The following TIMM9 variants were observed in gnomAD, a reference collection of about 807,000 sequenced individuals.
TIMM9 encodes the protein mitochondrial import inner membrane translocase subunit Tim9.
In TIMM9, 10 loss-of-function variants were observed where a neutral mutation model predicts 13.4. The ratio of observed to expected loss-of-function variants is 0.75; its 90% confidence interval spans 0.46 to 1.26. TIMM9 has a LOEUF of 1.26. Among genes scored for constraint, TIMM9 ranks in the 50% most tolerant of loss-of-function variants. The pLI is 0.00. For missense variants in TIMM9, 87 were observed against 100.8 expected, an observed-to-expected ratio of 0.86 and a Z score of 0.58; for synonymous variants, 32 against 32.1, an observed-to-expected ratio of 1.00 and a Z score of 0.01.
intron 3 of TIMM9, among the ~76,000 whole-genome samples, chr14:58,412,295 C>T (rs975010360): frequency 1.3e-5 from 2 of 152,296 alleles, no homozygotes; most frequent in East Asian, 1.9e-4. Flanking sequence ...GCACACACCA[C>T]CATGCCCAGC....
chr14:58,411,994 G>A, intron 3 of TIMM9, 23 bp from the exon 4 acceptor site: 1 of 1,565,126 alleles, frequency 6.4e-7, no homozygotes, highest in East Asian at 2.2e-5. Context: ...TTCAAAACAA[G>A]TTTGTCAATC....
chr14:58,425,100 G>A (rs1196757834), intron 2 of TIMM9, among the ~76,000 whole-genome samples: 1 of 152,032 alleles, frequency 6.6e-6, no homozygotes, highest in African/African-American at 2.4e-5. Context: ...AAAAGGGGTT[G>A]AGAGGGCTGA....
In TIMM9 at chr14:58,408,556, G is replaced by T. The variant is rs1348505796; in HGVS notation, c.*478C>A. On this transcript the variant is annotated 3_prime_UTR_variant, in exon 6 of 6. Coordinates refer to ENST00000395159, the MANE Select transcript of TIMM9 (RefSeq NM_012460.4). The stretch of plus-strand genomic sequence containing the variant: ...ATTTGAGGCAGACATGAATGAACAG[G>T]ACTGCTTGGAGGATGATCCTGATTG... 6.2e-7 allele frequency: 1 copy of T among 1,613,974 alleles called. No individual in the cohort carries two copies. Among genetic ancestry groups the T allele is most frequent in the Admixed American group, 1.7e-5 (1 of 59,972 alleles).
At chr14:58,414,583 CA>C (rs1595015283) in intron 3 of TIMM9, among the ~76,000 whole-genome samples, 1 of 151,462 alleles carries the variant, frequency 6.6e-6, no homozygotes, top group East Asian at 1.9e-4. Context: ...ACTGAAAATA[CA>C]AAAATTAGCC....
Position 58,408,560 on chromosome 14 carries a change from G to T in TIMM9, c.*474C>A. 6.2e-7 allele frequency: 1 copy of T among 1,614,054 alleles called. No individual in the cohort carries two copies. The highest frequency in any genetic ancestry group is 8.5e-7 in the Non-Finnish European group (1 of 1,179,990). ...GAGGCAGACATGAATGAACAGGACT[G>T]CTTGGAGGATGATCCTGATTGAAAA... On this transcript the variant is annotated 3_prime_UTR_variant, in exon 6 of 6. Coordinates refer to ENST00000395159, the MANE Select transcript of TIMM9 (RefSeq NM_012460.4).
chr14:58,419,105 G>A (rs977298762), intron 3 of TIMM9, among the ~76,000 whole-genome samples: 8 of 152,128 alleles, frequency 5.3e-5, no homozygotes, highest in Non-Finnish European at 7.3e-5. Context: ...CTGGTGGAGG[G>A]ACAGACAAAT....
intron 5 of TIMM9, among the ~76,000 whole-genome samples, chr14:58,409,871 C>T (rs531594693): frequency 6.6e-6 from 1 of 152,130 alleles, no homozygotes; most frequent in Admixed American, 6.6e-5. Context: ...AGCCACCGCG[C>T]CCAGCCTATT....
At chr14:58,420,961 C>G (rs2036574182) in intron 3 of TIMM9, among the ~76,000 whole-genome samples, 1 of 152,128 alleles carries the variant, frequency 6.6e-6, no homozygotes. Flanking sequence ...TTGGCAGTTT[C>G]TAAAGAAGTT....
chr14:58,420,411 G>GT (rs778358381), intron 3 of TIMM9, among the ~76,000 whole-genome samples: 6 of 152,088 alleles, frequency 3.9e-5, no homozygotes, highest in Non-Finnish European at 7.4e-5. Flanking sequence ...CCGTAAAAAG[G>GT]TATTTCAGCA....
intron 5 of TIMM9, among the ~76,000 whole-genome samples, chr14:58,409,741 G>A (rs897045028): frequency 6.6e-6 from 1 of 151,992 alleles, no homozygotes; most frequent in Non-Finnish European, 1.5e-5. Context: ...ACCATGCCTG[G>A]CTAATTTTTT....
Position 58,415,261 on chromosome 14 carries a change from A to C in TIMM9, c.-26-3290T>G, listed in dbSNP as rs554608305. On this transcript the variant is annotated intron_variant, in intron 3 of 5. Transcript: ENST00000395159. The stretch of plus-strand genomic sequence containing the variant: ...CAAAAGGAGCCAGATAAAATGATTA[A>C]ATAACATCTAGAGCCTCATAACATG... Among the ~76,000 whole-genome samples the C allele has an allele frequency of 3.2e-4, 48 of 152,326 alleles. 1 individual carries two copies. Among genetic ancestry groups the C allele is most frequent in the Middle Eastern group, 3.4e-3 (1 of 294 alleles).
chr14:58,427,442 C>T lies in TIMM9; in HGVS notation c.-354G>A, dbSNP rs775179724. 2.9e-6 allele frequency: 2 copies of T among 695,946 alleles called. No individual in the cohort carries two copies. Among genetic ancestry groups the T allele is most frequent in the Non-Finnish European group, 4.7e-6 (2 of 423,244 alleles). 43.1% of individuals were successfully genotyped at this position (695,946 alleles called of 1,614,324 possible). ...CGGAAGCGAAGCAGTGTCAACAGTC[C>T]CTGGTAAACACAAGTAGTATTACAA... On this transcript the variant is annotated 5_prime_UTR_variant, in exon 1 of 6. Transcript: ENST00000395159.
Position 58,408,778 on chromosome 14 carries a change from T to C in TIMM9, c.*256A>G. 1 of 689,118 alleles carries C rather than the reference T, an allele frequency of 1.5e-6. No individual in the cohort carries two copies. The highest frequency in any genetic ancestry group is 2.3e-6 in the Non-Finnish European group (1 of 428,910). 42.7% of individuals were successfully genotyped at this position (689,118 alleles called of 1,614,324 possible). On this transcript the variant is annotated 3_prime_UTR_variant, in exon 6 of 6. Coordinates refer to ENST00000395159, the MANE Select transcript of TIMM9 (RefSeq NM_012460.4). Reference sequence around the variant, plus strand: ...ACAATGGTTTATTTTTCTAATCAAGTGACCAAGCTGCTGAATCATAAGGCC... The same window carrying C: ...ACAATGGTTTATTTTTCTAATCAAGCGACCAAGCTGCTGAATCATAAGGCC...
chr14:58,419,501 ACAC>A (rs1566752458), intron 3 of TIMM9, among the ~76,000 whole-genome samples: 5 of 144,252 alleles, frequency 3.5e-5, no homozygotes, highest in African/African-American at 1.3e-4. Flanking sequence ...ACACACACAC[ACAC>A]AAACACATAC....
At chr14:58,412,118 C>T (rs1053537641) in intron 3 of TIMM9, 147 bp from the exon 4 acceptor site, 50 of 588,930 alleles carry the variant, frequency 8.5e-5, no homozygotes, top group Admixed American at 3.0e-5. Context: ...TCATTAATGA[C>T]CATAGAACCT....
chr14:58,423,363 C>G (rs1443733520), intron 3 of TIMM9, among the ~76,000 whole-genome samples: 1 of 151,126 alleles, frequency 6.6e-6, no homozygotes, highest in Non-Finnish European at 1.5e-5. Context: ...ACTAAAAATA[C>G]AAAAATTAGC....
rs533192374 is a variant in TIMM9, at chr14:58,423,184, A to G, written c.-27+824T>C. ...CAGAAGTTTTCTTAAGTCTGCTTAA[A>G]TCTCTAAAGCTATCCTCGGTAGTCA... On this transcript the variant is annotated intron_variant, in intron 3 of 5. Coordinates refer to ENST00000395159, the MANE Select transcript of TIMM9 (RefSeq NM_012460.4). Among the ~76,000 whole-genome samples, 22 of 152,094 alleles carry G rather than the reference A, an allele frequency of 1.4e-4. No homozygotes were observed. The South Asian group carries it at 4.1e-3, about 29-fold the overall frequency.
Position 58,408,701 on chromosome 14 carries a change from T to C in TIMM9, c.*333A>G, listed in dbSNP as rs778534183. ...GAGTAATAAAAATTTTTCTATCTCA[T>C]ACATGATCGAACACATAAGTTGCTT... On this transcript the variant is annotated 3_prime_UTR_variant, in exon 6 of 6. Transcript: ENST00000395159. 33 of 966,830 alleles carry C rather than the reference T, an allele frequency of 3.4e-5. No individual in the cohort carries two copies. The highest frequency in any genetic ancestry group is 5.0e-5 in the Non-Finnish European group (33 of 659,580). 59.9% of individuals were successfully genotyped at this position (966,830 alleles called of 1,614,324 possible). A position where few individuals can be genotyped will look rare whatever the true frequency, so the allele number is the denominator to read the frequency against.
In TIMM9 at chr14:58,408,512, T is replaced by C. The variant is rs774047072; in HGVS notation, c.*522A>G. On this transcript the variant is annotated 3_prime_UTR_variant, in exon 6 of 6. Transcript: ENST00000395159. ...CATTGAAATGATTAGCAAGTAACTA[T>C]TTTATGTATTCACCAGCAATTTGAG... 8.1e-6 allele frequency: 13 copies of C among 1,612,200 alleles called. No individual in the cohort carries two copies. In the East Asian group the frequency reaches 2.9e-4, roughly 36 times the overall value.
Sources: allele counts gnomAD v4.1 joint callset (sites outside exome capture counted in the v4.1 genomes callset), GRCh38; gene constraint gnomAD v4.1.1; transcripts MANE v1.5; gene names NCBI Gene and HGNC (gene_info 2026-07-23, HGNC 2026-07-21).